NWD1: variants seen among roughly 807,000 people sequenced by gnomAD.
The protein encoded by NWD1 is NACHT domain- and WD repeat-containing protein 1.
Under a neutral mutation model 135.1 loss-of-function variants are expected in NWD1, and 129 were observed. That is an observed-to-expected ratio of 0.96 (90% CI 0.83 to 1.11). The LOEUF (loss-of-function observed/expected upper bound fraction) is 1.11. Ranked by LOEUF, NWD1 falls within the 50% of genes least tolerant of loss-of-function variation. NWD1 has a pLI of 0.00. For synonymous variants in NWD1, 773 were observed against 786.0 expected (o/e 0.98, Z 0.28); for missense variants, 1,740 against 1,851.3 (o/e 0.94, Z 1.10).
chr19:16,738,131 C>T (rs1053606622), intron 4 of NWD1: 7 of 397,582 alleles, frequency 1.8e-5, no homozygotes, highest in African/African-American at 1.4e-4. Context: ...CATTGTTTAG[C>T]CCTGCTTTCA....
intron 11 of NWD1, among the ~76,000 whole-genome samples, chr19:16,774,482 CCCAT>C (rs1427353281): frequency 6.6e-6 from 1 of 150,506 alleles, no homozygotes; most frequent in Non-Finnish European, 1.5e-5. Context: ...CACCCATCCA[CCCAT>C]CCATCCATCT....
chr19:16,766,672 G>A (rs987887736), intron 10 of NWD1, among the ~76,000 whole-genome samples: 4 of 151,788 alleles, frequency 2.6e-5, no homozygotes, highest in African/African-American at 7.3e-5. Flanking sequence ...TGCAACCTCC[G>A]CCTATCAGGC....
intron 1 of NWD1, among the ~76,000 whole-genome samples, chr19:16,722,295 CT>C (rs1008291274): frequency 1.0e-3 from 145 of 140,998 alleles, no homozygotes; most frequent in East Asian, 2.6e-3. Context: ...CAAGACTTGA[CT>C]TTTTTTTTTT....
intron 15 of NWD1, among the ~76,000 whole-genome samples, chr19:16,794,829 T>C (rs1473886005): frequency 6.6e-6 from 1 of 152,196 alleles, no homozygotes; most frequent in African/African-American, 2.4e-5. Context: ...TCACCCAGAC[T>C]GGAGTGGAGT....
At chr19:16,757,266 A>G (rs1022108618) in intron 6 of NWD1, among the ~76,000 whole-genome samples, 1 of 152,034 alleles carries the variant, frequency 6.6e-6, no homozygotes, top group African/African-American at 2.4e-5. Flanking sequence ...CCCCACCCTA[A>G]AAAATGATCT....
chr19:16,751,340 G>C (rs1485024629), intron 6 of NWD1, among the ~76,000 whole-genome samples: 1 of 151,482 alleles, frequency 6.6e-6, no homozygotes, highest in Non-Finnish European at 1.5e-5. Flanking sequence ...ATTGCTTTTT[G>C]GATATAGCAA....
intron 14 of NWD1, among the ~76,000 whole-genome samples, chr19:16,793,722 A>G (rs1970328101): frequency 6.6e-6 from 1 of 151,526 alleles, no homozygotes; most frequent in Non-Finnish European, 1.5e-5. Flanking sequence ...GACTACGGGC[A>G]TGTGCCACCA....
At chr19:16,756,103 G>A (rs571852089) in intron 6 of NWD1, among the ~76,000 whole-genome samples, 1 of 151,946 alleles carries the variant, frequency 6.6e-6, no homozygotes, top group Non-Finnish European at 1.5e-5. Flanking sequence ...AATCATAAAG[G>A]GGGGCTGGGC....
At position 16,762,144 on chromosome 19, in the gene NWD1, G is replaced by C; in HGVS notation, c.2133+6G>C. ...CACTGAACTTGGACCGAAAGGTGAG[G>C]TACCTGGGACCCCCATTCCCCACCT... On this transcript the variant is annotated splice_donor_region_variant and intron_variant, in intron 8 of 18. Transcript: ENST00000524140. 6.2e-7 allele frequency: 1 copy of C among 1,610,486 alleles called. No homozygotes were observed. Among genetic ancestry groups the C allele is most frequent in the Non-Finnish European group, 8.5e-7 (1 of 1,177,250 alleles).
chr19:16,773,937 T>C (rs910714695), intron 11 of NWD1, among the ~76,000 whole-genome samples: 6 of 121,774 alleles, frequency 4.9e-5, no homozygotes. Flanking sequence ...CATCCATCCA[T>C]CTATCCATCC....
intron 4 of NWD1, among the ~76,000 whole-genome samples, chr19:16,738,624 A>C (rs1396308376): frequency 6.9e-6 from 1 of 143,982 alleles, no homozygotes; most frequent in African/African-American, 2.7e-5. Flanking sequence ...ATTTTCTGAG[A>C]TCTATTTTCT....
intron 13 of NWD1, among the ~76,000 whole-genome samples, chr19:16,789,716 CTTT>C (rs11383216): frequency 1.7e-5 from 2 of 119,570 alleles, no homozygotes; most frequent in Admixed American, 9.1e-5. Context: ...TCCTCTCTCT[CTTT>C]TTTTTTTTTT....
chr19:16,740,064 A>C (rs557421377), intron 4 of NWD1, among the ~76,000 whole-genome samples: 1 of 152,102 alleles, frequency 6.6e-6, no homozygotes, highest in East Asian at 1.9e-4. Flanking sequence ...TGAGAGGCTA[A>C]AGCCGGAGGA....
intron 12 of NWD1, among the ~76,000 whole-genome samples, chr19:16,783,324 T>C (rs1969924437): frequency 6.6e-6 from 1 of 151,002 alleles, no homozygotes; most frequent in African/African-American, 2.4e-5. Context: ...CATAAGCCAC[T>C]GTACCTGTCT....
At chr19:16,808,428 T>C (rs1421518537) in intron 18 of NWD1, among the ~76,000 whole-genome samples, 2 of 151,816 alleles carry the variant, frequency 1.3e-5, no homozygotes, top group Non-Finnish European at 2.9e-5. Flanking sequence ...TGCATGCTTG[T>C]AATCTCAGCT....
chr19:16,775,418 T>C (rs2122963256), intron 11 of NWD1, among the ~76,000 whole-genome samples: 1 of 143,010 alleles, frequency 7.0e-6, no homozygotes, highest in South Asian at 2.1e-4. Flanking sequence ...CTGGGACCCA[T>C]ACTCTTTCAG....
At chr19:16,729,702 C>T (rs1967479006) in intron 2 of NWD1, among the ~76,000 whole-genome samples, 1 of 151,664 alleles carries the variant, frequency 6.6e-6, no homozygotes, top group African/African-American at 2.4e-5. Flanking sequence ...AACCCCGTCT[C>T]TACTAAAAAT....
chr19:16,750,246 G>A lies in NWD1; in HGVS notation c.1604G>A (p.Arg535Gln), dbSNP rs202056350. The change falls in exon 6 of 19, where the codon CGG becomes CAG. Residue 535 changes from arginine to glutamine, a missense_variant. Coordinates refer to ENST00000524140, the MANE Select transcript of NWD1 (RefSeq NM_001007525.5). ...CTCCCAGAGTGTGGGAACCCAGGGCGGCTGAGGCTGGCGTTTGAGGAAGCC... is the reference window on the plus strand; with the variant it reads ...CTCCCAGAGTGTGGGAACCCAGGGCAGCTGAGGCTGGCGTTTGAGGAAGCC... ...ASLPECGNPG[R>Q]LRLAFEEARK... is the part of the protein sequence containing the mutation. The A allele has an allele frequency of 5.5e-5, 88 of 1,613,432 alleles. No homozygotes were observed. Among genetic ancestry groups the A allele is most frequent in the Admixed American group, 4.5e-4 (27 of 59,966 alleles).
chr19:16,768,761 G>A (rs1270784613), intron 10 of NWD1, among the ~76,000 whole-genome samples: 5 of 152,192 alleles, frequency 3.3e-5, no homozygotes, highest in Non-Finnish European at 5.9e-5. Context: ...AAGGAAGGGG[G>A]AGTATTCAAG....
Sources: gnomAD v4.1 joint callset for allele counts (sites outside exome capture counted in the v4.1 genomes callset) on GRCh38, gnomAD v4.1.1 for gene constraint, MANE v1.5 for transcripts, NCBI Gene and HGNC (gene_info 2026-07-23, HGNC 2026-07-21) for gene names.